Variants in CTNNBL1 observed in about 807,000 individuals in gnomAD.
CTNNBL1 encodes beta-catenin-like protein 1.
A neutral mutation model predicts 72.7 loss-of-function variants in CTNNBL1; 31 were observed. That is an observed-to-expected ratio of 0.43 (90% CI 0.32 to 0.58). CTNNBL1 has a LOEUF of 0.58. CTNNBL1 is among the 20% of genes least tolerant of loss of function. The pLI is 0.08. For missense variants in CTNNBL1, 534 were observed against 725.1 expected (o/e 0.74, Z 3.03); for synonymous variants, 240 against 267.3 (o/e 0.90, Z 1.00).
intron 10 of CTNNBL1, among the ~76,000 whole-genome samples, chr20:37,794,309 TTCA>T (rs1193063334): frequency 6.6e-6 from 1 of 151,964 alleles, no homozygotes; most frequent in African/African-American, 2.4e-5. Flanking sequence ...AATATTTGCC[TTCA>T]TCTTTTTCTT....
At chr20:37,845,044 G>A (rs186193399) in intron 13 of CTNNBL1, among the ~76,000 whole-genome samples, 2 of 152,324 alleles carry the variant, frequency 1.3e-5, no homozygotes, top group Admixed American at 6.5e-5. Flanking sequence ...AGCTCCCGCC[G>A]CTGCTGCTGC....
At chr20:37,847,056 C>T (rs951776374) in intron 13 of CTNNBL1, among the ~76,000 whole-genome samples, 7 of 152,144 alleles carry the variant, frequency 4.6e-5, no homozygotes, top group Admixed American at 1.3e-4. Flanking sequence ...AAGGAAGATA[C>T]GGCGAGTCAC....
At chr20:37,867,585 G>A (rs1016007830) in intron 15 of CTNNBL1, among the ~76,000 whole-genome samples, 1 of 152,192 alleles carries the variant, frequency 6.6e-6, no homozygotes, top group Non-Finnish European at 1.5e-5. Context: ...AGAGAAAGGA[G>A]TTGACGTGTA....
chr20:37,800,540 T>C (rs2073815362), intron 10 of CTNNBL1, among the ~76,000 whole-genome samples: 1 of 152,214 alleles, frequency 6.6e-6, no homozygotes, highest in African/African-American at 2.4e-5. Context: ...CTAACTAAAG[T>C]ATTCCCTGCT....
intron 11 of CTNNBL1, among the ~76,000 whole-genome samples, chr20:37,835,900 T>C (rs1038160093): frequency 2.6e-5 from 4 of 152,190 alleles, no homozygotes; most frequent in African/African-American, 9.7e-5. Flanking sequence ...TGCAAAATTT[T>C]CCCCCTGAAA....
At chr20:37,705,029 G>C (rs1183677171) in intron 1 of CTNNBL1, among the ~76,000 whole-genome samples, 1 of 152,208 alleles carries the variant, frequency 6.6e-6, no homozygotes, top group Non-Finnish European at 1.5e-5. Context: ...ATATAAAAAT[G>C]ACTTCATTGG....
intron 1 of CTNNBL1, among the ~76,000 whole-genome samples, chr20:37,702,843 A>G (rs753134251): frequency 2.0e-5 from 3 of 152,226 alleles, no homozygotes; most frequent in African/African-American, 4.8e-5. Flanking sequence ...AACTGTAGTT[A>G]ATGTCTAATA....
chr20:37,777,382 G>T lies in CTNNBL1; in HGVS notation c.788G>T (p.Ser263Ile). 6.2e-7 allele frequency: 1 copy of T among 1,613,928 alleles called. No homozygotes were observed. The highest frequency in any genetic ancestry group is 8.5e-7 in the Non-Finnish European group (1 of 1,179,816). Reference sequence around the variant, plus strand: ...TTTGATGCCAACAAACTGTATTGCAGTGAAGTGCTGGCCATATTGCTCCAG... The same window carrying T: ...TTTGATGCCAACAAACTGTATTGCATTGAAGTGCTGGCCATATTGCTCCAG... ...MPFDANKLYC[S>I]EVLAILLQDN... The change falls in exon 8 of 16, where the codon AGT becomes ATT. Residue 263 changes from serine to isoleucine, a missense_variant. Ser to Ile is a moderately radical substitution (Grantham distance 142). Transcript: ENST00000361383.
chr20:37,718,123 T>C (rs1435198030), intron 1 of CTNNBL1, among the ~76,000 whole-genome samples: 1 of 152,118 alleles, frequency 6.6e-6, no homozygotes, highest in Non-Finnish European at 1.5e-5. Context: ...AGCTGTTGGG[T>C]ACACCTCCCA....
chr20:37,859,779 G>A (rs2072474497), intron 13 of CTNNBL1, 120 bp from the exon 14 acceptor site: 3 of 947,788 alleles, frequency 3.2e-6, no homozygotes. Flanking sequence ...AAGATGAGGT[G>A]ATTTTCTTTT....
At chr20:37,728,752 G>A (rs2073105860) in intron 1 of CTNNBL1, among the ~76,000 whole-genome samples, 1 of 152,208 alleles carries the variant, frequency 6.6e-6, no homozygotes, top group Admixed American at 6.5e-5. Flanking sequence ...GAGCTGCTGT[G>A]TTGCTGAAGG....
chr20:37,727,370 A>G, intron 1 of CTNNBL1: 16 of 984,220 alleles, frequency 1.6e-5, no homozygotes, highest in African/African-American at 1.7e-5. Flanking sequence ...AAAGGCATCT[A>G]TCTATTATCG....
At chr20:37,823,249 T>A (rs967394584) in intron 11 of CTNNBL1, among the ~76,000 whole-genome samples, 2 of 152,220 alleles carry the variant, frequency 1.3e-5, no homozygotes. Flanking sequence ...ATGGTTTCAT[T>A]TGTTAGTCTG....
intron 2 of CTNNBL1, 113 bp from the exon 3 acceptor site, chr20:37,737,265 C>G (rs113077495): frequency 1.3e-6 from 1 of 742,942 alleles, no homozygotes; most frequent in East Asian, 2.5e-5. Context: ...GTACATTGAA[C>G]CCAGAAAGGT....
chr20:37,713,303 G>C (rs150483749), intron 1 of CTNNBL1, among the ~76,000 whole-genome samples: 191 of 152,220 alleles, frequency 1.3e-3, no homozygotes, highest in African/African-American at 4.3e-3. Context: ...CCCATAATTA[G>C]AAGATTAAAC....
intron 13 of CTNNBL1, 81 bp downstream of exon 13, chr20:37,842,500 G>A: frequency 1.1e-6 from 1 of 911,322 alleles, no homozygotes; most frequent in South Asian, 1.3e-5. Flanking sequence ...TCACCCCACA[G>A]GATAGGTAAG....
At chr20:37,761,393 G>A (rs952352467) in intron 5 of CTNNBL1, among the ~76,000 whole-genome samples, 6 of 152,192 alleles carry the variant, frequency 3.9e-5, no homozygotes, top group African/African-American at 9.7e-5. Context: ...GTTTGCCTTG[G>A]ACTTGGTTGG....
chr20:37,727,460 A>T (rs1188415734), intron 1 of CTNNBL1: 1 of 496,148 alleles, frequency 2.0e-6, no homozygotes, highest in African/African-American at 2.1e-5. Flanking sequence ...GATGGTGGGA[A>T]ATGCTTAGCT....
At chr20:37,718,246 C>T (rs1198132174) in intron 1 of CTNNBL1, among the ~76,000 whole-genome samples, 3 of 145,940 alleles carry the variant, frequency 2.1e-5, no homozygotes, top group African/African-American at 5.2e-5. Context: ...GCTGACCCCC[C>T]CACCTCCCTC....
Sources: allele counts gnomAD v4.1 joint callset (sites outside exome capture counted in the v4.1 genomes callset), GRCh38; gene constraint gnomAD v4.1.1; transcripts MANE v1.5; gene names NCBI Gene and HGNC (gene_info 2026-07-23, HGNC 2026-07-21).